TBC1D5: variants seen among roughly 807,000 people sequenced by gnomAD.
The protein encoded by TBC1D5 is TBC1 domain family member 5, also known as TBC1 domain family, member 5.
TBC1D5 carries 75 observed loss-of-function variants against 100.3 expected under a neutral mutation model. The observed-to-expected ratio is 0.75, with a 90% confidence interval of 0.62 to 0.91. The LOEUF (loss-of-function observed/expected upper bound fraction) is 0.91, where lower values mean the gene tolerates loss of function less well. Ranked by LOEUF, TBC1D5 falls within the 40% of genes least tolerant of loss-of-function variation. The probability of loss-of-function intolerance (pLI) is 0.00; values close to 1 mark genes in which losing one functional copy is unlikely to be tolerated. For missense variants in TBC1D5, 910 were observed against 942.4 expected (o/e 0.97, Z 0.45); for synonymous variants, 323 against 325.6 (o/e 0.99, Z 0.09).
At chr3:17,486,946 T>C (rs2095576582) in intron 3 of TBC1D5, among the ~76,000 whole-genome samples, 1 of 152,218 alleles carries the variant, frequency 6.6e-6, no homozygotes, top group African/African-American at 2.4e-5. Context: ...GGATAGTCTA[T>C]TTAAAGAAAA....
chr3:17,158,195 CAA>C (rs2065752611), exon 22 of TBC1D5: 1 of 152,110 alleles, frequency 6.6e-6, no homozygotes, highest in African/African-American at 2.4e-5. Context: ...CCAATCTGAT[CAA>C]AGAGGAATGC....
chr3:17,690,137 C>A (rs768800179), intron 1 of TBC1D5, among the ~76,000 whole-genome samples: 4 of 150,574 alleles, frequency 2.7e-5, no homozygotes, highest in Admixed American at 1.3e-4. Context: ...AATGACAAAC[C>A]AAAGAAATAT....
chr3:17,255,279 C>A (rs181984677), intron 16 of TBC1D5, among the ~76,000 whole-genome samples: 39 of 152,288 alleles, frequency 2.6e-4, no homozygotes, highest in African/African-American at 9.1e-4. Context: ...CGGCTCACTG[C>A]AACCTCCACC....
At chr3:17,439,296 A>C (rs2094594892) in intron 3 of TBC1D5, among the ~76,000 whole-genome samples, 2 of 152,164 alleles carry the variant, frequency 1.3e-5, no homozygotes, top group Admixed American at 6.5e-5. Flanking sequence ...GCAGGATATA[A>C]ATTATCATTG....
intron 19 of TBC1D5, among the ~76,000 whole-genome samples, chr3:17,174,530 G>C (rs1211612687): frequency 1.3e-5 from 2 of 152,038 alleles, no homozygotes; most frequent in Non-Finnish European, 2.9e-5. Context: ...CATATACATT[G>C]AACTCAATTT....
intron 1 of TBC1D5, among the ~76,000 whole-genome samples, chr3:17,664,485 T>C (rs776223067): frequency 5.9e-5 from 9 of 152,174 alleles, no homozygotes; most frequent in African/African-American, 1.2e-4. Context: ...TTCAATTGCA[T>C]GGATAAAGTT....
intron 1 of TBC1D5, among the ~76,000 whole-genome samples, chr3:17,667,216 A>G (rs2067361413): frequency 6.6e-6 from 1 of 152,222 alleles, no homozygotes; most frequent in Non-Finnish European, 1.5e-5. Flanking sequence ...AAAGACAAAT[A>G]TAAAGCACTA....
At chr3:17,645,722 A>T (rs1234280372) in intron 1 of TBC1D5, among the ~76,000 whole-genome samples, 1 of 152,114 alleles carries the variant, frequency 6.6e-6, no homozygotes, top group Non-Finnish European at 1.5e-5. Context: ...TGACTAGACC[A>T]TGAACCAATT....
chr3:17,592,108 T>C (rs894949342), intron 2 of TBC1D5, among the ~76,000 whole-genome samples: 2 of 152,250 alleles, frequency 1.3e-5, no homozygotes, highest in Non-Finnish European at 2.9e-5. Context: ...TCTCCATTCC[T>C]GTCCATAAGG....
intron 9 of TBC1D5, among the ~76,000 whole-genome samples, chr3:17,380,063 G>A (rs1014535946): frequency 2.7e-5 from 4 of 147,736 alleles, no homozygotes; most frequent in Admixed American, 6.7e-5. Context: ...GTGTGTGTGT[G>A]TGTGTGTGTG....
intron 1 of TBC1D5, among the ~76,000 whole-genome samples, chr3:17,718,835 A>C (rs2075455033): frequency 6.6e-6 from 1 of 152,156 alleles, no homozygotes; most frequent in Non-Finnish European, 1.5e-5. Flanking sequence ...AATAAGTAAA[A>C]ATAGAATTAA....
chr3:17,503,919 T>C (rs1022161232), intron 3 of TBC1D5, among the ~76,000 whole-genome samples: 1 of 149,646 alleles, frequency 6.7e-6, no homozygotes, highest in Non-Finnish European at 1.5e-5. Context: ...TTTGGTTTTA[T>C]GCAAATTCTG....
intron 1 of TBC1D5, among the ~76,000 whole-genome samples, chr3:17,666,589 A>G (rs1373924056): frequency 1.3e-5 from 2 of 152,284 alleles, no homozygotes; most frequent in East Asian, 1.9e-4. Flanking sequence ...GTTAGACTTG[A>G]AAAGTCTGAA....
chr3:17,238,334 T>C lies in TBC1D5; in HGVS notation c.1417A>G (p.Met473Val). 5 of 1,613,970 alleles carry C rather than the reference T, an allele frequency of 3.1e-6. No individual in the cohort carries two copies. In the South Asian group the frequency reaches 4.4e-5, roughly 14 times the overall value. The change falls in exon 17 of 22, where the codon ATG (methionine) becomes GTG (valine). Residue 473 changes from methionine to valine, a missense_variant. Coordinates refer to ENST00000253692, the Ensembl canonical transcript of TBC1D5. The stretch of plus-strand genomic sequence containing the variant: ...GGGCCACCTGCACTGCCTGGAGCCA[T>C]TGCTGGGGAAATCAACTTTCTTCCA...
rs1260802458 is a variant in TBC1D5 at position 17,233,754 on chromosome 3, G to C, written c.1588+4409C>G. 7 of 1,531,828 alleles carry C rather than the reference G, an allele frequency of 4.6e-6. No individual in the cohort carries two copies. In the East Asian group the frequency reaches 1.7e-4, roughly 38 times the overall value. 94.9% of individuals were successfully genotyped at this position (1,531,828 alleles called of 1,614,324 possible). ...TCGCTTCCTGTAACTACATCGCCTG[G>C]ATTTCATAAGAAAAAATAATTAGAT... On this transcript the variant is annotated intron_variant, in intron 17 of 21. Transcript: ENST00000253692.
At chr3:17,693,151 G>T (rs533736782) in intron 1 of TBC1D5, among the ~76,000 whole-genome samples, 1 of 152,228 alleles carries the variant, frequency 6.6e-6, no homozygotes, top group African/African-American at 2.4e-5. Context: ...TCAGTCTGCA[G>T]CTCCCAGAGT....
At chr3:17,233,595 TGG>T (rs1297029089) in intron 17 of TBC1D5, 88 bp downstream of exon 18, 2 of 714,966 alleles carry the variant, frequency 2.8e-6, no homozygotes, top group African/African-American at 3.6e-5. Flanking sequence ...GAATGGAGGG[TGG>T]GCAAAAAGAA....
intron 1 of TBC1D5, among the ~76,000 whole-genome samples, chr3:17,697,878 A>G (rs2072399048): frequency 6.6e-6 from 1 of 152,014 alleles, no homozygotes; most frequent in Admixed American, 6.6e-5. Flanking sequence ...ACAGTAACCA[A>G]AACAGCATGG....
chr3:17,231,234 G>A (rs1012558822), intron 17 of TBC1D5, among the ~76,000 whole-genome samples: 3 of 152,060 alleles, frequency 2.0e-5, no homozygotes, highest in African/African-American at 7.2e-5. Context: ...GTTTCCGGGG[G>A]TAAGTATGCA....
Sources: gnomAD v4.1 joint callset for allele counts (sites outside exome capture counted in the v4.1 genomes callset) on GRCh38, gnomAD v4.1.1 for gene constraint, MANE v1.5 for transcripts, NCBI Gene and HGNC (gene_info 2026-07-23, HGNC 2026-07-21) for gene names.